PROSER1: variants seen among roughly 807,000 people sequenced by gnomAD.
The protein encoded by PROSER1 is proline and serine-rich protein 1.
In PROSER1, 36 loss-of-function variants were observed where a neutral mutation model predicts 71.8. That is an observed-to-expected ratio of 0.50 (90% CI 0.38 to 0.66). The LOEUF is 0.66. Among genes scored for constraint, PROSER1 ranks in the 30% least tolerant of loss-of-function variants. The pLI, the probability that PROSER1 is intolerant of heterozygous loss-of-function variation, is 0.00. For missense variants in PROSER1, 1,107 were observed against 1,135.0 expected, an observed-to-expected ratio of 0.98 and a Z score of 0.35; for synonymous variants, 490 against 452.4, an observed-to-expected ratio of 1.08 and a Z score of -1.06.
At chr13:39,019,974 C>T (rs536817229) in intron 9 of PROSER1, among the ~76,000 whole-genome samples, 3 of 147,596 alleles carry the variant, frequency 2.0e-5, no homozygotes, top group African/African-American at 7.5e-5. Flanking sequence ...AAAGTCAGGA[C>T]AATATTATTA....
chr13:39,022,742 T>C (rs969075785), intron 8 of PROSER1: 9 of 385,714 alleles, frequency 2.3e-5, no homozygotes, highest in East Asian at 1.3e-4. Flanking sequence ...GTTAAATGCA[T>C]GAATGATGCC....
In PROSER1 at chr13:39,037,413, A is replaced by T. The variant is rs1315865434; in HGVS notation, c.-171T>A. On this transcript the variant is annotated 5_prime_UTR_variant, in exon 1 of 13. Coordinates refer to ENST00000352251, the MANE Select transcript of PROSER1 (RefSeq NM_025138.5). ...GAGTATTGCAAACTTCGCAAAAAAA[A>T]TTTCTAAAAATTGAGATTCAGAAAA... is the stretch of plus-strand genomic sequence containing the variant. 4 of 585,864 alleles carry T rather than the reference A, an allele frequency of 6.8e-6. No individual in the cohort carries two copies. The highest frequency in any genetic ancestry group is 2.8e-5 in the East Asian group (1 of 35,158). The allele number at this position is 585,864 out of a possible 1,614,324, so 36.3% of individuals were successfully genotyped here. A position where few individuals can be genotyped will look rare whatever the true frequency, so the allele number is the denominator to read the frequency against.
At chr13:39,018,160 T>C (rs565063260) in intron 9 of PROSER1, among the ~76,000 whole-genome samples, 1 of 152,314 alleles carries the variant, frequency 6.6e-6, no homozygotes, top group South Asian at 2.1e-4. Flanking sequence ...AGAACTAGCC[T>C]AGTTGAGGCT....
chr13:39,032,606 T>G (rs940928817), intron 2 of PROSER1, among the ~76,000 whole-genome samples: 3 of 152,146 alleles, frequency 2.0e-5, no homozygotes, highest in Non-Finnish European at 4.4e-5. Context: ...TAAAGAGATA[T>G]ATATATATAG....
At position 39,013,235 on chromosome 13, in the gene PROSER1, AACCATTTAAAGGAGT is replaced by A. The variant is rs751839235; in HGVS notation, c.2002_2016del (p.Thr668_Gly672del). On this transcript the variant is annotated inframe_deletion, in exon 11 of 13. Transcript: ENST00000352251. ...AGGGAAATAGAGGAAAGAGGATTTG[AACCATTTAAAGGAGT>A]ACTCAAGCTGGAGAGACCTGACAAT... 10 of 1,614,158 alleles carry A rather than the reference AACCATTTAAAGGAGT, an allele frequency of 6.2e-6. No homozygotes were observed. Among genetic ancestry groups the A allele is most frequent in the Middle Eastern group, 3.3e-4 (2 of 6,062 alleles).
At chr13:39,030,730 T>TA (rs1194485524) in intron 3 of PROSER1, among the ~76,000 whole-genome samples, 2 of 152,074 alleles carry the variant, frequency 1.3e-5, no homozygotes, top group African/African-American at 4.8e-5. Context: ...CCAAGCCCCT[T>TA]ATCAATATTT....
rs984479513 is a variant in PROSER1 at position 39,037,758 on chromosome 13, G to C, written c.-516C>G. ...CGCCGGCCGCGACCCTCACCGCCGC[G>C]AACCCGGACGCATGGTCCGGCTCGC... On this transcript the variant is annotated 5_prime_UTR_variant, in exon 1 of 13. Transcript: ENST00000352251. The C allele has an allele frequency of 2.6e-5, 4 of 152,480 alleles. No homozygotes were observed. The highest frequency in any genetic ancestry group is 2.1e-4 in the South Asian group (1 of 4,850). 9.4% of individuals were successfully genotyped at this position (152,480 alleles called of 1,614,324 possible).
chr13:39,020,097 G>C (rs1406419296), intron 9 of PROSER1, among the ~76,000 whole-genome samples: 1 of 145,770 alleles, frequency 6.9e-6, no homozygotes, highest in African/African-American at 2.5e-5. Context: ...AAAAAAACTA[G>C]AGAGGGTAAT....
chr13:39,034,659 C>A (rs933365604), intron 1 of PROSER1, among the ~76,000 whole-genome samples: 2 of 152,170 alleles, frequency 1.3e-5, no homozygotes, highest in Admixed American at 1.3e-4. Context: ...CTAGTTGAGG[C>A]TCTCAGTATT....
At position 39,013,364 on chromosome 13, in the gene PROSER1, G is replaced by A; in HGVS notation, c.1888C>T (p.His630Tyr). 3 of 1,614,226 alleles carry A rather than the reference G, an allele frequency of 1.9e-6. No homozygotes were observed. The highest frequency in any genetic ancestry group is 1.1e-5 in the South Asian group (1 of 91,084). ...KGPSHSGNPS[H>Y]GTLGLSGTLG... The stretch of plus-strand genomic sequence containing the variant: ...GTCCCTGACAAACCTAAAGTGCCAT[G>A]AGAGGGATTCCCAGAATGAGATGGA... The change falls in exon 11 of 13, where the codon CAT (histidine) becomes TAT (tyrosine). Residue 630 changes from histidine to tyrosine, a missense_variant. Coordinates refer to ENST00000352251, the MANE Select transcript of PROSER1 (RefSeq NM_025138.5).
At chr13:39,028,709 T>C (rs574743774) in intron 4 of PROSER1, among the ~76,000 whole-genome samples, 1 of 152,292 alleles carries the variant, frequency 6.6e-6, no homozygotes, top group Admixed American at 6.5e-5. Context: ...TGGACACCTA[T>C]GCATACAAAA....
intron 9 of PROSER1, among the ~76,000 whole-genome samples, chr13:39,019,651 A>G (rs1281310934): frequency 6.6e-6 from 1 of 151,936 alleles, no homozygotes; most frequent in East Asian, 1.9e-4. Context: ...AAAATTTCTA[A>G]GTTTGGGTGG....
At position 39,029,345 on chromosome 13, in the gene PROSER1, C is replaced by A; in HGVS notation, c.211G>T (p.Val71Phe). Residue 71 changes from valine (V) to phenylalanine (F), a missense_variant, in exon 4 of 13, where the codon GTC becomes TTC. Coordinates refer to ENST00000352251, the MANE Select transcript of PROSER1 (RefSeq NM_025138.5). ...AAAGTGAAACAGTTGAGTATATTGA[C>A]CACTTCTGTTGGCTGGACAGCCACC... The part of the protein sequence containing the change: ...KMVAVQPTEV[V>F]NILNCFTFSK... 6.5e-7 allele frequency: 1 copy of A among 1,527,020 alleles called. No homozygotes were observed. The allele number at this position is 1,527,020 out of a possible 1,614,324, so 94.6% of individuals were successfully genotyped here. A position where few individuals can be genotyped will look rare whatever the true frequency, so the allele number is the denominator to read the frequency against.
chr13:39,018,499 C>CACACACAA (rs1555239015), intron 9 of PROSER1, among the ~76,000 whole-genome samples: 1 of 134,562 alleles, frequency 7.4e-6, no homozygotes, highest in African/African-American at 3.1e-5. Context: ...CACACACACA[C>CACACACAA]ACACACACAC....
chr13:39,018,473 GACACACACACACAC>G (rs56659534), intron 9 of PROSER1, among the ~76,000 whole-genome samples: 59 of 120,252 alleles, frequency 4.9e-4, no homozygotes, highest in African/African-American at 1.3e-3. Context: ...TTTAAAACCC[GACACACACACACAC>G]ACACACACAC....
Position 39,037,585 on chromosome 13 carries a change from T to G in PROSER1, c.-343A>C, listed in dbSNP as rs944982500. The G allele has an allele frequency of 1.4e-5, 3 of 221,940 alleles. No homozygotes were observed. The highest frequency in any genetic ancestry group is 2.6e-5 in the Non-Finnish European group (3 of 113,210). 13.7% of individuals were successfully genotyped at this position (221,940 alleles called of 1,614,324 possible). A position where few individuals can be genotyped will look rare whatever the true frequency, so the allele number is the denominator to read the frequency against. On this transcript the variant is annotated 5_prime_UTR_variant, in exon 1 of 13. Transcript: ENST00000352251. ...GCGGCAGGTTTGAGTGCGGTTTCCC[T>G]GCAGCTGAGGGCCAGGTGCCGCCAG...
chr13:39,018,473 G>GAC (rs56659534), intron 9 of PROSER1, among the ~76,000 whole-genome samples: 15,677 of 119,860 alleles, frequency 0.13, 899 homozygotes, highest in East Asian at 0.21. Context: ...TTTAAAACCC[G>GAC]ACACACACAC....
chr13:39,011,939 G>A, intron 12 of PROSER1, 144 bp downstream of exon 12: 3 of 853,510 alleles, frequency 3.5e-6, no homozygotes, highest in Non-Finnish European at 5.4e-6. Flanking sequence ...TTGGAGAGAA[G>A]TAATCATCAT....
rs1303632957 is a variant in PROSER1, at chr13:39,022,309, C to G, written c.730+17G>C. On this transcript the variant is annotated intron_variant, in intron 9 of 12. Transcript: ENST00000352251. ...TATATGAATAAGTTACTTAAACACC[C>G]CCAAATAACATTTTACCTGTTCCTA... The G allele has an allele frequency of 6.5e-7, 1 of 1,548,214 alleles. No homozygotes were observed.
Sources: gnomAD v4.1 joint callset for allele counts (sites outside exome capture counted in the v4.1 genomes callset) on GRCh38, gnomAD v4.1.1 for gene constraint, MANE v1.5 for transcripts, NCBI Gene and HGNC (gene_info 2026-07-23, HGNC 2026-07-21) for gene names.